Variants in SP6 observed in about 807,000 individuals in gnomAD.
The protein encoded by SP6 is transcription factor Sp6.
SP6 carries 10 observed loss-of-function variants against 23.4 expected under a neutral mutation model. That is an observed-to-expected ratio of 0.43 (90% CI 0.26 to 0.72). The LOEUF is 0.72. Among genes scored for constraint, SP6 ranks in the 30% least tolerant of loss-of-function variants. SP6 has a pLI of 0.23. For missense variants in SP6, 482 were observed against 523.8 expected (o/e 0.92, Z 0.78); for synonymous variants, 238 against 238.7 (o/e 1.00, Z 0.03).
chr17:47,858,174 T>A (rs2034012147), upstream of SP6, among the ~76,000 whole-genome samples: 1 of 151,972 alleles, frequency 6.6e-6, no homozygotes, highest in Admixed American at 6.6e-5. Flanking sequence ...CCGGCCCCCA[T>A]CCTCAGCCCC....
the SP6 span, among the ~76,000 whole-genome samples, chr17:47,874,442 C>T: frequency 3.3e-5 from 5 of 152,170 alleles, no homozygotes; most frequent in African/African-American, 2.4e-5. Context: ...GCAGGGGGTA[C>T]ATGCCTGTAA....
chr17:47,859,336 A>G (rs2034019938), upstream of SP6, among the ~76,000 whole-genome samples: 1 of 152,096 alleles, frequency 6.6e-6, no homozygotes, highest in Admixed American at 6.5e-5. Context: ...ATTATCCTTC[A>G]AGCTCCTGGC....
upstream of SP6, among the ~76,000 whole-genome samples, chr17:47,854,044 C>G (rs190380162): frequency 1.3e-5 from 2 of 152,206 alleles, no homozygotes; most frequent in Non-Finnish European, 2.9e-5. Flanking sequence ...AACAACACAG[C>G]CCATCACATC....
chr17:47,855,786 T>A (rs1437834558), upstream of SP6: 2 of 152,362 alleles, frequency 1.3e-5, no homozygotes, highest in African/African-American at 4.8e-5. Context: ...TGCTGCCAAG[T>A]CCTCACGGCC....
upstream of SP6, among the ~76,000 whole-genome samples, chr17:47,857,402 G>T (rs1214179365): frequency 1.3e-5 from 2 of 152,222 alleles, no homozygotes. Flanking sequence ...TTACAGAGTT[G>T]ATTTGCATAA....
At chr17:47,850,575 C>A (rs1326834461) in intron 1 of SP6, among the ~76,000 whole-genome samples, 2 of 152,230 alleles carry the variant, frequency 1.3e-5, no homozygotes, top group African/African-American at 4.8e-5. Context: ...GAGAGCACAG[C>A]GTACATCGCA....
upstream of SP6, among the ~76,000 whole-genome samples, chr17:47,856,037 C>G (rs1193283677): frequency 6.6e-6 from 1 of 152,172 alleles, no homozygotes; most frequent in Non-Finnish European, 1.5e-5. Flanking sequence ...ATAGCTGGAA[C>G]TCTCCAAATT....
the SP6 span, among the ~76,000 whole-genome samples, chr17:47,874,211 T>C: frequency 1.3e-5 from 2 of 152,064 alleles, no homozygotes; most frequent in Middle Eastern, 3.4e-3. Context: ...CTCACCCTCC[T>C]GAGTAGCTAG....
chr17:47,871,266 T>C, the SP6 span, among the ~76,000 whole-genome samples: 1 of 152,354 alleles, frequency 6.6e-6, no homozygotes, highest in East Asian at 1.9e-4. Context: ...CCTGCATCTG[T>C]CATCATTTAT....
chr17:47,862,898 G>A, the SP6 span, among the ~76,000 whole-genome samples: 1 of 152,280 alleles, frequency 6.6e-6, no homozygotes, highest in South Asian at 2.1e-4. Context: ...CCATCTCTGA[G>A]TCCCCAAAGT....
the SP6 span, among the ~76,000 whole-genome samples, chr17:47,864,164 G>A: frequency 6.6e-6 from 1 of 151,846 alleles, no homozygotes; most frequent in African/African-American, 2.4e-5. Context: ...TTCTTAATGA[G>A]AGCATTGATT....
the SP6 span, among the ~76,000 whole-genome samples, chr17:47,864,135 C>T: frequency 1.5e-4 from 23 of 151,808 alleles, 1 homozygote; most frequent in Non-Finnish European, 1.6e-4. Flanking sequence ...TGAGCCACCA[C>T]GCCTGGCCTA....
the SP6 span, among the ~76,000 whole-genome samples, chr17:47,866,810 C>T: frequency 6.6e-6 from 1 of 152,172 alleles, no homozygotes; most frequent in African/African-American, 2.4e-5. Flanking sequence ...TGTGTCCAAT[C>T]ACAATTCCTC....
chr17:47,857,776 G>A (rs549708311), upstream of SP6, among the ~76,000 whole-genome samples: 33 of 152,282 alleles, frequency 2.2e-4, no homozygotes, highest in South Asian at 2.1e-3. Flanking sequence ...AGTGGGGGGC[G>A]GGACTGCAGA....
chr17:47,856,539 GC>G, upstream of SP6, among the ~76,000 whole-genome samples: 1 of 152,256 alleles, frequency 6.6e-6, no homozygotes, highest in East Asian at 1.9e-4. Flanking sequence ...TTTAGGGGGA[GC>G]CCCCAGATCT....
At chr17:47,853,404 G>C (rs1052389860), upstream of SP6, among the ~76,000 whole-genome samples, 1 of 152,292 alleles carries the variant, frequency 6.6e-6, no homozygotes, top group East Asian at 1.9e-4. Flanking sequence ...CACTCATCAG[G>C]TCCAAAACAG....
At chr17:47,862,674 T>C in the SP6 span, among the ~76,000 whole-genome samples, 2 of 152,252 alleles carry the variant, frequency 1.3e-5, no homozygotes, top group Non-Finnish European at 2.9e-5. Context: ...CTTCCTATTC[T>C]GTGGTGTTCA....
Position 47,847,581 on chromosome 17 carries a change from G to A in SP6, c.849C>T (p.Pro283=), listed in dbSNP as rs762637489. ...CGCAGAAGAGCCAGTTGCACACGAA[G>A]GGACGGTCGCCGCTGTGCCAGCGCA... is the stretch of plus-strand genomic sequence containing the variant. The part of the protein sequence containing the change: ...AHLRWHSGDR[P]FVCNWLFCGK... The change falls in exon 2 of 2, where the codon CCC becomes CCT. Residue 283 remains proline (P), a synonymous_variant. Coordinates refer to ENST00000536300, the MANE Select transcript of SP6 (RefSeq NM_001258248.2). 2 of 1,613,696 alleles carry A rather than the reference G, an allele frequency of 1.2e-6. No homozygotes were observed. The highest frequency in any genetic ancestry group is 1.7e-5 in the Admixed American group (1 of 60,024).
At chr17:47,851,572 T>G (rs868694749), upstream of SP6, among the ~76,000 whole-genome samples, 3 of 152,124 alleles carry the variant, frequency 2.0e-5, no homozygotes, top group South Asian at 6.2e-4. Flanking sequence ...CTTGACCCTC[T>G]CTGAACGGAC....
Sources: allele counts gnomAD v4.1 joint callset (sites outside exome capture counted in the v4.1 genomes callset), GRCh38; gene constraint gnomAD v4.1.1; transcripts MANE v1.5; gene names NCBI Gene and HGNC (gene_info 2026-07-23, HGNC 2026-07-21).